Variants in HGD observed in about 807,000 individuals in gnomAD.
HGD encodes homogentisate 1,2-dioxygenase, also known as homogentisate oxidase.
Under a neutral mutation model 60.8 loss-of-function variants are expected in HGD, and 61 were observed. The observed-to-expected ratio is 1.00, with a 90% confidence interval of 0.82 to 1.24. HGD has a LOEUF of 1.24. Among genes scored for constraint, HGD ranks in the 50% most tolerant of loss-of-function variants. HGD has a pLI of 0.00. For missense variants in HGD, 542 were observed against 547.1 expected (o/e 0.99, Z 0.09); for synonymous variants, 212 against 187.7 (o/e 1.13, Z -1.06).
At chr3:120,662,483 A>T (rs1367455587) in intron 4 of HGD, among the ~76,000 whole-genome samples, 1 of 152,174 alleles carries the variant, frequency 6.6e-6, no homozygotes, top group African/African-American at 2.4e-5. Context: ...GAGACTCCTG[A>T]GTACCACCTC....
intron 6 of HGD, among the ~76,000 whole-genome samples, chr3:120,649,620 G>A (rs1365312439): frequency 6.6e-6 from 1 of 152,128 alleles, no homozygotes; most frequent in African/African-American, 2.4e-5. Flanking sequence ...ATGAGAGACT[G>A]AGCTCCTCAG....
At chr3:120,633,104 G>T in intron 13 of HGD, 43 bp downstream of exon 13, 1 of 1,586,728 alleles carries the variant, frequency 6.3e-7, no homozygotes, top group Non-Finnish European at 8.6e-7. Context: ...AGTAAGGGTG[G>T]GGAGTTCAGA....
At chr3:120,654,644 A>G (rs1941439556) in intron 4 of HGD, among the ~76,000 whole-genome samples, 1 of 152,242 alleles carries the variant, frequency 6.6e-6, no homozygotes, top group Non-Finnish European at 1.5e-5. Context: ...CTAAGGAAAA[A>G]AGTGATCAAG....
intron 1 of HGD, among the ~76,000 whole-genome samples, chr3:120,680,351 G>C (rs1339376645): frequency 6.6e-6 from 1 of 152,076 alleles, no homozygotes; most frequent in South Asian, 2.1e-4. Flanking sequence ...CTGGTTTTCT[G>C]TGTTCAGATT....
chr3:120,639,311 T>G (rs1940894020), intron 11 of HGD, among the ~76,000 whole-genome samples: 2 of 152,206 alleles, frequency 1.3e-5, no homozygotes, highest in Admixed American at 1.3e-4. Context: ...GAAGTTGGTT[T>G]TCTATTCCTG....
intron 4 of HGD, among the ~76,000 whole-genome samples, chr3:120,661,952 A>G (rs1358148468): frequency 2.0e-5 from 3 of 152,258 alleles, no homozygotes; most frequent in Non-Finnish European, 2.9e-5. Context: ...AGAACCTTAA[A>G]TACTCTGAGA....
At chr3:120,659,839 T>C (rs545521566) in intron 4 of HGD, among the ~76,000 whole-genome samples, 18 of 151,868 alleles carry the variant, frequency 1.2e-4, no homozygotes, top group African/African-American at 4.1e-4. Context: ...ACAGGAAACA[T>C]AGCAGCTTCT....
chr3:120,671,972 C>T (rs545352331), intron 3 of HGD, among the ~76,000 whole-genome samples: 2 of 150,062 alleles, frequency 1.3e-5, no homozygotes, highest in East Asian at 4.0e-4. Flanking sequence ...GAATAACACA[C>T]ACTGGGGCCT....
At chr3:120,666,176 G>C (rs1049692807) in intron 4 of HGD, among the ~76,000 whole-genome samples, 2 of 152,164 alleles carry the variant, frequency 1.3e-5, no homozygotes, top group African/African-American at 4.8e-5. Flanking sequence ...TACCTGGTTG[G>C]AGCCGGTGTT....
chr3:120,668,812 G>C (rs2298956), intron 4 of HGD, among the ~76,000 whole-genome samples: 21,503 of 151,982 alleles, frequency 0.14, 1,755 homozygotes, highest in Middle Eastern at 0.24. Flanking sequence ...GTAAGTAGAT[G>C]GGCAGGGATG....
At chr3:120,661,662 G>A (rs966307736) in intron 4 of HGD, among the ~76,000 whole-genome samples, 3 of 152,208 alleles carry the variant, frequency 2.0e-5, no homozygotes, top group South Asian at 2.1e-4. Context: ...AAATCATCTG[G>A]TTTGCAGACA....
At position 120,645,283 on chromosome 3, in the gene HGD, C is replaced by T. The variant is rs183106054; in HGVS notation, c.650-840G>A. On this transcript the variant is annotated intron_variant, in intron 9 of 13. Coordinates refer to ENST00000283871, the MANE Select transcript of HGD (RefSeq NM_000187.4). ...GAACAGGATGACAGACGGCCCACCA[C>T]GGCTCCAGCTGCCTCTTGCTGCCTC... is the stretch of plus-strand genomic sequence containing the variant. Among the ~76,000 whole-genome samples the T allele has an allele frequency of 6.6e-5, 10 of 152,286 alleles. No homozygotes were observed. In the South Asian group the frequency reaches 8.3e-4, roughly 13 times the overall value.
intron 5 of HGD, 143 bp downstream of exon 5, chr3:120,652,449 C>T (rs1245561226): frequency 1.5e-6 from 1 of 678,048 alleles, no homozygotes. Context: ...CCTCCGCCAG[C>T]CCCCAAAGCA....
At chr3:120,645,183 T>A (rs1163961241) in intron 9 of HGD, among the ~76,000 whole-genome samples, 3 of 152,206 alleles carry the variant, frequency 2.0e-5, no homozygotes, top group Non-Finnish European at 2.9e-5. Context: ...AGAGGGTACA[T>A]GTTCCACGGA....
chr3:120,631,786 C>T (rs768264659), intron 13 of HGD, among the ~76,000 whole-genome samples: 3 of 152,140 alleles, frequency 2.0e-5, no homozygotes, highest in Admixed American at 2.0e-4. Context: ...TTGGACCCTC[C>T]GCCATCAGGT....
chr3:120,652,442 C>T lies in HGD; in HGVS notation c.342+150G>A, dbSNP rs1477356847. ...TGGTTTCTGTAAGTAAGACATCCCT[C>T]CGCCAGCCCCCAAAGCATACGCAGG... On this transcript the variant is annotated intron_variant, in intron 5 of 13. Transcript: ENST00000283871. 1.1e-5 allele frequency: 7 copies of T among 665,644 alleles called. No individual in the cohort carries two copies. The East Asian group carries it at 1.9e-4, about 19-fold the overall frequency. 41.2% of individuals were successfully genotyped at this position (665,644 alleles called of 1,614,324 possible).
intron 4 of HGD, among the ~76,000 whole-genome samples, chr3:120,668,929 A>C (rs934644047): frequency 6.6e-6 from 1 of 152,196 alleles, no homozygotes; most frequent in African/African-American, 2.4e-5. Flanking sequence ...AGGTTAAAAA[A>C]AGAGCTCAGT....
chr3:120,674,711 T>A (rs1444121333), intron 3 of HGD, 190 bp downstream of exon 3: 2 of 581,436 alleles, frequency 3.4e-6, no homozygotes, highest in East Asian at 6.5e-5. Flanking sequence ...TTCCTTCACC[T>A]TCTTCCACCA....
In HGD at chr3:120,641,586, T is replaced by C. The variant is rs748993243; in HGVS notation, c.879+3A>G. 6.2e-6 allele frequency: 10 copies of C among 1,603,928 alleles called. No homozygotes were observed. Among genetic ancestry groups the C allele is most frequent in the Middle Eastern group, 1.6e-4 (1 of 6,066 alleles). On this transcript the variant is annotated splice_donor_region_variant and intron_variant, in intron 11 of 13. Transcript: ENST00000283871. ...CCAAGGCCCCTACAGGGTTCAGACT[T>C]ACTGCATGGTCAAAGGCCACTGAGT... is the stretch of plus-strand genomic sequence containing the variant.
Sources: allele counts gnomAD v4.1 joint callset (sites outside exome capture counted in the v4.1 genomes callset), GRCh38; gene constraint gnomAD v4.1.1; transcripts MANE v1.5; gene names NCBI Gene and HGNC (gene_info 2026-07-23, HGNC 2026-07-21).